The following LACTBL1 variants were observed in gnomAD, a reference collection of about 807,000 sequenced individuals.
The protein encoded by LACTBL1 is lactamase beta like 1, also known as beta-lactamase-like protein 1.
LACTBL1 carries 29 observed loss-of-function variants against 39.6 expected under a neutral mutation model. That is an observed-to-expected ratio of 0.73 (90% CI 0.55 to 1.00). The LOEUF is 1.00. Among genes scored for constraint, LACTBL1 ranks in the 50% least tolerant of loss-of-function variants. The pLI, the probability that LACTBL1 is intolerant of heterozygous loss-of-function variation, is 0.00. For missense variants in LACTBL1, 711 were observed against 748.5 expected (o/e 0.95, Z 0.59); for synonymous variants, 361 against 360.7 (o/e 1.00, Z -0.01).
intron 4 of LACTBL1, among the ~76,000 whole-genome samples, chr1:22,958,335 T>C (rs1374578423): frequency 6.6e-6 from 1 of 152,156 alleles, no homozygotes; most frequent in Non-Finnish European, 1.5e-5. Context: ...TCCTCCCACC[T>C]CGGCCTCCCA....
At chr1:22,960,728 C>T (rs1446127068) in intron 2 of LACTBL1, among the ~76,000 whole-genome samples, 1 of 150,880 alleles carries the variant, frequency 6.6e-6, no homozygotes, top group Non-Finnish European at 1.5e-5. Flanking sequence ...TTGGGGAATT[C>T]ACTATTAATA....
In LACTBL1 at chr1:22,958,752, C is replaced by A. The variant is rs916837422; in HGVS notation, c.486G>T (p.Leu162=). 1.7e-5 allele frequency: 27 copies of A among 1,550,520 alleles called. No homozygotes were observed. In the African/African-American group the frequency reaches 3.6e-4, roughly 20 times the overall value. ...GCCTTGGGGCGGGGCCCACCTGCTC[C>A]AGCCCGTCCATCAGGCCCTGCTGTT... is the stretch of plus-strand genomic sequence containing the variant. The change falls in exon 4 of 6, where the codon CTG becomes CTT. Residue 162 remains leucine (L), a synonymous_variant. Coordinates refer to ENST00000426928, the Ensembl canonical transcript of LACTBL1.
intron 3 of LACTBL1, among the ~76,000 whole-genome samples, 163 bp from the exon 6 acceptor site, chr1:22,959,083 T>C (rs566703934): frequency 6.6e-6 from 1 of 152,282 alleles, no homozygotes; most frequent in South Asian, 2.1e-4. Flanking sequence ...GGAGCTGCCT[T>C]TGGGATGCTT....
chr1:22,953,408 C>A, exon 6 of LACTBL1: 3 of 1,227,820 alleles, frequency 2.4e-6, no homozygotes, highest in Non-Finnish European at 3.0e-6. Context: ...AAGGGGTGCG[C>A]GGTGGGCGGC....
intron 2 of LACTBL1, among the ~76,000 whole-genome samples, chr1:22,962,828 C>T (rs1640838944): frequency 6.6e-6 from 1 of 152,154 alleles, no homozygotes; most frequent in East Asian, 1.9e-4. Flanking sequence ...TTTGTGCCCC[C>T]AAAGTCCCCT....
upstream of LACTBL1, chr1:22,965,413 G>A (rs2124239279): frequency 1.6e-6 from 2 of 1,252,212 alleles, no homozygotes; most frequent in East Asian, 3.1e-5. Flanking sequence ...AGCAAGTTGG[G>A]CCACCAGCCA....
At chr1:22,955,212 C>T (rs1338707522) in intron 5 of LACTBL1, 109 bp downstream of exon 7, 6 of 841,626 alleles carry the variant, frequency 7.1e-6, no homozygotes, top group Non-Finnish European at 1.1e-5. Flanking sequence ...GAGCAGGTCT[C>T]TCCCGGCTCT....
chr1:22,958,740 G>A lies in LACTBL1; in HGVS notation c.498C>T (p.Gly166=), dbSNP rs562279722. 3.9e-6 allele frequency: 6 copies of A among 1,550,586 alleles called. No homozygotes were observed. The South Asian group carries it at 4.8e-5, about 12-fold the overall frequency. ...TGACAGGTGAAGGCCTTGGGGCGGGGCCCACCTGCTCCAGCCCGTCCATCA... is the reference window on the plus strand; with the variant it reads ...TGACAGGTGAAGGCCTTGGGGCGGGACCCACCTGCTCCAGCCCGTCCATCA... The change falls in exon 4 of 6, where the codon GGC becomes GGT. Residue 166 remains glycine, a synonymous_variant. Coordinates refer to ENST00000426928, the Ensembl canonical transcript of LACTBL1.
At chr1:22,965,722 T>G (rs951982262), upstream of LACTBL1, among the ~76,000 whole-genome samples, 6 of 152,092 alleles carry the variant, frequency 3.9e-5, no homozygotes, top group Admixed American at 3.9e-4. Flanking sequence ...TCCTCAACTC[T>G]CCTGTATTAG....
chr1:22,959,989 A>G (rs1640803455), exon 3 of LACTBL1: 1 of 1,551,148 alleles, frequency 6.4e-7, no homozygotes. Context: ...GGTCTGAGCC[A>G]TTCTTCTTCC....
Position 22,965,278 on chromosome 1 carries a change from C to G in LACTBL1, c.49+12G>C. ...GCTATGGGGAGGAACTCAAGGCTGT[C>G]TCTGCACTCACCGGTCTTCAGCTTG... On this transcript the variant is annotated intron_variant, in intron 1 of 5. Transcript: ENST00000426928. The G allele has an allele frequency of 7.6e-7, 1 of 1,319,574 alleles. No homozygotes were observed. 81.7% of individuals were successfully genotyped at this position (1,319,574 alleles called of 1,614,324 possible). A position where few individuals can be genotyped will look rare whatever the true frequency, so the allele number is the denominator to read the frequency against.
At chr1:22,953,421 A>C in exon 6 of LACTBL1, 1 of 1,227,524 alleles carries the variant, frequency 8.1e-7, no homozygotes, top group Non-Finnish European at 1.0e-6. Flanking sequence ...TGGGCGGCGG[A>C]GCCGGGCCGG....
upstream of LACTBL1, among the ~76,000 whole-genome samples, chr1:22,965,829 C>T (rs1206948707): frequency 1.3e-5 from 2 of 152,228 alleles, no homozygotes; most frequent in East Asian, 3.9e-4. Flanking sequence ...GTTGGGGAGG[C>T]CTCAGAAAAC....
exon 4 of LACTBL1, chr1:22,958,754 G>A: frequency 6.4e-7 from 1 of 1,550,658 alleles, no homozygotes. Flanking sequence ...ACCTGCTCCA[G>A]CCCGTCCATC....
chr1:22,962,996 A>G (rs1028499204), intron 2 of LACTBL1, 111 bp downstream of exon 4: 6 of 484,046 alleles, frequency 1.2e-5, no homozygotes, highest in African/African-American at 1.2e-4. Flanking sequence ...CAAGAAATAC[A>G]TGTTGGACGG....
exon 6 of LACTBL1, chr1:22,953,786 A>G (rs1211224745): frequency 7.2e-6 from 11 of 1,535,304 alleles, no homozygotes; most frequent in Non-Finnish European, 9.7e-6. Flanking sequence ...GCGGCGGTAG[A>G]GTACATCTGG....
intron 1 of LACTBL1, among the ~76,000 whole-genome samples, chr1:22,964,515 C>A (rs1640858317): frequency 6.6e-6 from 1 of 152,224 alleles, no homozygotes; most frequent in African/African-American, 2.4e-5. Flanking sequence ...AGCAGCAGAG[C>A]TGCCAGCCAG....
chr1:22,953,522 CCAGCAG>C, exon 6 of LACTBL1: 1 of 1,235,942 alleles, frequency 8.1e-7, no homozygotes, highest in Middle Eastern at 3.1e-4. Context: ...CGTGGCCCTG[CCAGCAG>C]CAGCACCAGG....
exon 6 of LACTBL1, chr1:22,953,861 C>T: frequency 2.6e-6 from 4 of 1,548,716 alleles, no homozygotes; most frequent in Non-Finnish European, 3.5e-6. Flanking sequence ...TAGAAGCCCG[C>T]GGCCAGGCGC....
Sources: allele counts gnomAD v4.1 joint callset (sites outside exome capture counted in the v4.1 genomes callset), GRCh38; gene constraint gnomAD v4.1.1; transcripts MANE v1.5; gene names NCBI Gene and HGNC (gene_info 2026-07-23, HGNC 2026-07-21).